The following SGCZ variants were observed in gnomAD, a reference collection of about 807,000 sequenced individuals.
SGCZ encodes the protein zeta-sarcoglycan.
SGCZ carries 40 observed loss-of-function variants against 41.3 expected under a neutral mutation model. The observed-to-expected ratio is 0.97, with a 90% CI of 0.75 to 1.26. The LOEUF (loss-of-function observed/expected upper bound fraction) is 1.26. Ranked by LOEUF, SGCZ falls within the 50% of genes most tolerant of loss-of-function variation. The probability of loss-of-function intolerance (pLI) is 0.00; values close to 1 mark genes in which losing one functional copy is unlikely to be tolerated. For synonymous variants in SGCZ, 206 were observed against 137.5 expected (o/e 1.50, Z -3.49); for missense variants, 552 against 369.8 (o/e 1.49, Z -4.04).
intron 2 of SGCZ, among the ~76,000 whole-genome samples, chr8:14,480,528 T>C (rs922475042): frequency 3.3e-5 from 5 of 151,896 alleles, no homozygotes; most frequent in Admixed American, 3.3e-4. Context: ...GTTATGCTTA[T>C]AACTACCACG....
intron 2 of SGCZ, among the ~76,000 whole-genome samples, chr8:14,380,623 G>T (rs536651430): frequency 6.6e-6 from 1 of 152,220 alleles, no homozygotes; most frequent in East Asian, 1.9e-4. Context: ...GGAGGCCAAG[G>T]CAGGCACATC....
chr8:15,029,937 T>C (rs1803597781), intron 1 of SGCZ, among the ~76,000 whole-genome samples: 1 of 152,144 alleles, frequency 6.6e-6, no homozygotes, highest in African/African-American at 2.4e-5. Context: ...ATGTGTGCCT[T>C]TTTGTTCCAT....
At chr8:14,400,758 G>C (rs1465613043) in intron 2 of SGCZ, among the ~76,000 whole-genome samples, 2 of 116,830 alleles carry the variant, frequency 1.7e-5, no homozygotes, top group African/African-American at 8.9e-5. Context: ...GTAATCAATA[G>C]TATTTTTTTT....
intron 1 of SGCZ, among the ~76,000 whole-genome samples, chr8:14,710,104 C>G (rs187381876): frequency 2.0e-5 from 3 of 152,052 alleles, no homozygotes; most frequent in Non-Finnish European, 4.4e-5. Context: ...CGGTGGCTCA[C>G]GCCTGTAATC....
chr8:14,236,187 G>A (rs991047172), intron 4 of SGCZ, among the ~76,000 whole-genome samples: 2 of 152,110 alleles, frequency 1.3e-5, no homozygotes, highest in African/African-American at 4.8e-5. Flanking sequence ...ATATTTAAGT[G>A]GATGGTTCTT....
intron 1 of SGCZ, among the ~76,000 whole-genome samples, chr8:14,649,832 G>T (rs28675130): frequency 6.6e-6 from 1 of 151,968 alleles, no homozygotes; most frequent in Non-Finnish European, 1.5e-5. Flanking sequence ...CAGGGCAAAG[G>T]CACACACCTA....
chr8:14,502,395 G>C (rs754404558), intron 2 of SGCZ, among the ~76,000 whole-genome samples: 1 of 151,958 alleles, frequency 6.6e-6, no homozygotes, highest in African/African-American at 2.4e-5. Context: ...AAAAAGTAAA[G>C]AATTCTTCAT....
intron 7 of SGCZ, among the ~76,000 whole-genome samples, chr8:14,098,028 C>T (rs1801897713): frequency 6.6e-6 from 1 of 152,160 alleles, no homozygotes; most frequent in Non-Finnish European, 1.5e-5. Context: ...CTGCTAAATA[C>T]ATCCTCCTCA....
At chr8:14,944,398 C>G (rs1024526601) in intron 1 of SGCZ, among the ~76,000 whole-genome samples, 4 of 152,100 alleles carry the variant, frequency 2.6e-5, no homozygotes, top group African/African-American at 9.7e-5. Context: ...ACATGATCTT[C>G]CCTGTTGGAG....
chr8:14,344,208 G>C (rs1019362295), intron 2 of SGCZ, among the ~76,000 whole-genome samples: 1 of 152,022 alleles, frequency 6.6e-6, no homozygotes, highest in East Asian at 1.9e-4. Context: ...CAGAGGAATA[G>C]AGGAGACCAG....
intron 1 of SGCZ, among the ~76,000 whole-genome samples, chr8:14,967,531 G>T (rs1801160789): frequency 1.3e-5 from 2 of 152,196 alleles, no homozygotes; most frequent in South Asian, 2.1e-4. Context: ...ATACTCAACT[G>T]CTTATTTGAC....
chr8:15,196,316 T>C (rs1800730261), intron 1 of SGCZ, among the ~76,000 whole-genome samples: 1 of 152,210 alleles, frequency 6.6e-6, no homozygotes, highest in Non-Finnish European at 1.5e-5. Flanking sequence ...TGCTCAAAAC[T>C]GGATTTGACA....
At position 15,011,012 on chromosome 8, in the gene SGCZ, C is replaced by T. The variant is rs117107940; in HGVS notation, c.39+226573G>A. Among the ~76,000 whole-genome samples the T allele has an allele frequency of 8.7e-3, 1,331 of 152,222 alleles. 11 individuals are homozygous for T. Among genetic ancestry groups the T allele is most frequent in the South Asian group, 0.021 (103 of 4,822 alleles). ...GCAGGTATGTTATCTATTAATGAAG[C>T]TGAAAATAATTAAACGAAGATTATC... On this transcript the variant is annotated intron_variant, in intron 1 of 7. Coordinates refer to ENST00000382080, the MANE Select transcript of SGCZ (RefSeq NM_139167.4).
At chr8:14,911,246 C>G (rs927779041) in intron 1 of SGCZ, among the ~76,000 whole-genome samples, 3 of 152,006 alleles carry the variant, frequency 2.0e-5, no homozygotes, top group Non-Finnish European at 4.4e-5. Flanking sequence ...TCATTAGAAC[C>G]TAATGACTCA....
At chr8:14,942,445 A>T (rs2130822400) in intron 1 of SGCZ, among the ~76,000 whole-genome samples, 1 of 152,236 alleles carries the variant, frequency 6.6e-6, no homozygotes, top group South Asian at 2.1e-4. Context: ...AACTAAAGAA[A>T]TTGTAATCCA....
At chr8:14,319,468 CTT>C (rs1801845135) in intron 3 of SGCZ, 1 of 152,020 alleles carries the variant, frequency 6.6e-6, no homozygotes, top group African/African-American at 2.4e-5. Flanking sequence ...TGTTACAGTT[CTT>C]TCAGAATCTG....
At position 15,103,400 on chromosome 8, in the gene SGCZ, CTAAATAAA is replaced by C. The variant is rs3069836; in HGVS notation, c.39+134177_39+134184del. On this transcript the variant is annotated intron_variant, in intron 1 of 7. Coordinates refer to ENST00000382080, the MANE Select transcript of SGCZ (RefSeq NM_139167.4). ...TAGGCAACCAAGTGAGACCCTGTCT[CTAAATAAA>C]TAAATAAATAAATAAATAAATAAAA... Among the ~76,000 whole-genome samples, 110 of 143,360 alleles carry C rather than the reference CTAAATAAA, an allele frequency of 7.7e-4. 1 individual carries two copies. The highest frequency in any genetic ancestry group is 2.5e-3 in the African/African-American group (97 of 38,632). 94.0% of individuals were successfully genotyped at this position (143,360 alleles called of 152,430 possible).
chr8:14,983,751 A>G (rs891912518), intron 1 of SGCZ, among the ~76,000 whole-genome samples: 3 of 152,142 alleles, frequency 2.0e-5, no homozygotes, highest in African/African-American at 7.2e-5. Context: ...GCTTTCCTAA[A>G]ACTAGACAAG....
intron 1 of SGCZ, among the ~76,000 whole-genome samples, chr8:14,620,853 A>G (rs1806261130): frequency 6.6e-6 from 1 of 152,172 alleles, no homozygotes; most frequent in Non-Finnish European, 1.5e-5. Context: ...ACTGTAAACT[A>G]GTTGAACCAT....
Sources: gnomAD v4.1 joint callset for allele counts (sites outside exome capture counted in the v4.1 genomes callset) on GRCh38, gnomAD v4.1.1 for gene constraint, MANE v1.5 for transcripts, NCBI Gene and HGNC (gene_info 2026-07-23, HGNC 2026-07-21) for gene names.